Variants in LUC7L2 observed in about 807,000 individuals in gnomAD.
The protein encoded by LUC7L2 is putative RNA-binding protein Luc7-like 2.
A neutral mutation model predicts 52.8 loss-of-function variants in LUC7L2; 25 were observed. The ratio of observed to expected loss-of-function variants is 0.47; its 90% CI spans 0.34 to 0.66. LUC7L2 has a LOEUF of 0.66. LUC7L2 is among the 30% of genes least tolerant of loss of function. LUC7L2 has a pLI of 0.01. For missense variants in LUC7L2, 328 were observed against 497.8 expected (o/e 0.66, Z 3.25); for synonymous variants, 144 against 160.9 (o/e 0.89, Z 0.80).
At chr7:139,382,168 G>A (rs1801065797) in intron 2 of LUC7L2, among the ~76,000 whole-genome samples, 2 of 152,090 alleles carry the variant, frequency 1.3e-5, no homozygotes, top group Non-Finnish European at 2.9e-5. Flanking sequence ...GGGATTACAG[G>A]TGTGAGCCAC....
intron 9 of LUC7L2, among the ~76,000 whole-genome samples, chr7:139,418,847 A>C (rs565422852): frequency 6.6e-6 from 1 of 152,260 alleles, no homozygotes; most frequent in East Asian, 1.9e-4. Flanking sequence ...GCTGGGTGCC[A>C]TGGCTCACGC....
chr7:139,412,083 A>G (rs1795382394), intron 7 of LUC7L2, among the ~76,000 whole-genome samples: 1 of 152,034 alleles, frequency 6.6e-6, no homozygotes, highest in Admixed American at 6.6e-5. Flanking sequence ...TGAACCAGTA[A>G]ATTATAATGC....
chr7:139,351,254 G>A (rs181413438), intron 1 of LUC7L2, among the ~76,000 whole-genome samples: 91 of 152,270 alleles, frequency 6.0e-4, no homozygotes, highest in Middle Eastern at 3.4e-3. Context: ...CAATGTGTGC[G>A]AAATGGAACC....
In LUC7L2 at chr7:139,401,642, G is replaced by A. The variant is rs183308874; in HGVS notation, c.256-495G>A. Among the ~76,000 whole-genome samples the A allele has an allele frequency of 1.6e-3, 244 of 151,970 alleles. 1 individual carries two copies. Among genetic ancestry groups the A allele is most frequent in the Admixed American group, 3.2e-3 (49 of 15,252 alleles). On this transcript the variant is annotated intron_variant, in intron 3 of 9. Coordinates refer to ENST00000354926, the MANE Select transcript of LUC7L2 (RefSeq NM_016019.5). ...TAATTTTTGTATTTTTAGTAGAGAC[G>A]AGGTTTCACCATGTTGGCCAGCGTA...
chr7:139,396,548 A>G (rs1794670520), intron 2 of LUC7L2, among the ~76,000 whole-genome samples: 1 of 152,178 alleles, frequency 6.6e-6, no homozygotes, highest in African/African-American at 2.4e-5. Context: ...AAAATTCCTC[A>G]GTTGATTGAA....
chr7:139,369,157 T>C (rs1800316122), intron 1 of LUC7L2, among the ~76,000 whole-genome samples: 1 of 152,224 alleles, frequency 6.6e-6, no homozygotes, highest in Non-Finnish European at 1.5e-5. Flanking sequence ...ATAGCTTTCG[T>C]TACTTCTAAT....
intron 2 of LUC7L2, among the ~76,000 whole-genome samples, chr7:139,380,419 G>C (rs1266965580): frequency 6.6e-6 from 1 of 151,876 alleles, no homozygotes; most frequent in African/African-American, 2.4e-5. Context: ...CCAACATGTT[G>C]AAATCCTGTC....
chr7:139,358,842 G>A (rs1209839918), upstream of LUC7L2, among the ~76,000 whole-genome samples: 1 of 151,946 alleles, frequency 6.6e-6, no homozygotes, highest in Admixed American at 6.6e-5. Flanking sequence ...CATCACGCCC[G>A]GCTAATTTTT....
upstream of LUC7L2, chr7:139,359,866 G>A (rs888410140): frequency 5.4e-5 from 22 of 410,644 alleles, no homozygotes; most frequent in Non-Finnish European, 7.8e-5. Flanking sequence ...GCCCCCGCGG[G>A]AAACGACTGA....
chr7:139,393,783 C>G (rs1047805914), intron 2 of LUC7L2, among the ~76,000 whole-genome samples: 2 of 152,156 alleles, frequency 1.3e-5, no homozygotes, highest in Admixed American at 6.5e-5. Flanking sequence ...GTGCATAGCA[C>G]AGTGCCAGAG....
intron 2 of LUC7L2, among the ~76,000 whole-genome samples, chr7:139,393,262 G>T (rs1470861263): frequency 6.6e-6 from 1 of 151,842 alleles, no homozygotes; most frequent in Non-Finnish European, 1.5e-5. Context: ...GCGAGACTCT[G>T]TCTCCAAAAA....
intron 1 of LUC7L2, among the ~76,000 whole-genome samples, chr7:139,372,612 T>C (rs1304833297): frequency 6.6e-6 from 1 of 152,164 alleles, no homozygotes; most frequent in Non-Finnish European, 1.5e-5. Context: ...GATACTTGGA[T>C]CATGTTATCT....
intron 1 of LUC7L2, among the ~76,000 whole-genome samples, chr7:139,342,147 T>C (rs1428387255): frequency 2.6e-5 from 4 of 151,974 alleles, no homozygotes; most frequent in African/African-American, 9.7e-5. Flanking sequence ...GGGTCTGTGC[T>C]AGGAACCTGG....
chr7:139,408,456 A>G (rs1795211243), intron 6 of LUC7L2, among the ~76,000 whole-genome samples: 1 of 152,222 alleles, frequency 6.6e-6, no homozygotes, highest in Non-Finnish European at 1.5e-5. Flanking sequence ...CTTGTGATTT[A>G]TAATGGTTGA....
At position 139,341,413 on chromosome 7, in the gene LUC7L2, C is replaced by T. The variant is rs375052584; in HGVS notation, c.-26+896C>T. On this transcript the variant is annotated intron_variant, in intron 1 of 10. Transcript: ENST00000541170. ...GCGGCCTTAGGGTCCCCGTCGCACA[C>T]TTTTCGAGGACTTCTGCGGGAGTTG... 2.0e-5 allele frequency: 32 copies of T among 1,613,516 alleles called. No homozygotes were observed. In the African/African-American group the frequency reaches 2.5e-4, roughly 13 times the overall value.
rs375051042 is a variant in LUC7L2 at position 139,345,530 on chromosome 7, A to G, written c.-26+5013A>G. The G allele has an allele frequency of 9.5e-5, 153 of 1,614,080 alleles. 1 individual carries two copies. The South Asian group carries it at 1.3e-3, about 13-fold the overall frequency. On this transcript the variant is annotated intron_variant, in intron 1 of 10. Coordinates refer to the LUC7L2 transcript ENST00000541170. ...CCAGTGAAAAGTTGTGCAGAGCCCAACATGAGCTTCATTTCCAAGCTGCCA... is the reference window on the plus strand; with the variant it reads ...CCAGTGAAAAGTTGTGCAGAGCCCAGCATGAGCTTCATTTCCAAGCTGCCA...
In LUC7L2 at chr7:139,345,491, G is replaced by C. The variant is rs751373629; in HGVS notation, c.-26+4974G>C. 8.2e-5 allele frequency: 132 copies of C among 1,613,900 alleles called. No homozygotes were observed. The South Asian group carries it at 1.1e-3, about 13-fold the overall frequency. On this transcript the variant is annotated intron_variant, in intron 1 of 10. Transcript: ENST00000541170. Reference sequence around the variant, plus strand: ...CTGGGTTAAGAATTTCTGACTTGCTGCTTCTCTAGGTCACCAGTGAAAAGT... The same window carrying C: ...CTGGGTTAAGAATTTCTGACTTGCTCCTTCTCTAGGTCACCAGTGAAAAGT...
At position 139,418,815 on chromosome 7, in the gene LUC7L2, T is replaced by G. The variant is rs182355880; in HGVS notation, c.1001+1086T>G. On this transcript the variant is annotated intron_variant, in intron 9 of 9. Transcript: ENST00000354926. ...ACATAGTTGAACAACTTTAAGTTGC[T>G]CTAAGAAGTTTCCTATGTGAGGCTG... 1.1e-3 allele frequency among the ~76,000 whole-genome samples: 162 copies of G among 152,276 alleles called. 4 individuals are homozygous for G. Among genetic ancestry groups the G allele is most frequent in the African/African-American group, 3.7e-3 (153 of 41,564 alleles).
chr7:139,393,730 G>A (rs1794543817), intron 2 of LUC7L2, among the ~76,000 whole-genome samples: 1 of 152,142 alleles, frequency 6.6e-6, no homozygotes. Flanking sequence ...TCAGGAGTGA[G>A]CCACCACACC....
Sources: gnomAD v4.1 joint callset for allele counts (sites outside exome capture counted in the v4.1 genomes callset) on GRCh38, gnomAD v4.1.1 for gene constraint, MANE v1.5 for transcripts, NCBI Gene and HGNC (gene_info 2026-07-23, HGNC 2026-07-21) for gene names.